Variants in ANK2 observed in about 807,000 individuals in gnomAD.
The protein encoded by ANK2 is ankyrin-2.
A neutral mutation model predicts 360.5 loss-of-function variants in ANK2; 83 were observed. The observed-to-expected ratio is 0.23, with a 90% confidence interval of 0.19 to 0.28. The LOEUF (loss-of-function observed/expected upper bound fraction) is 0.28. ANK2 is among the 10% of genes least tolerant of loss of function. The pLI is 1.00. For synonymous variants in ANK2, 1,740 were observed against 1,759.5 expected (o/e 0.99, Z 0.28); for missense variants, 4,201 against 4,795.7 (o/e 0.88, Z 3.66).
chr4:113,035,854 C>T (rs144599640), intron 2 of ANK2, among the ~76,000 whole-genome samples: 1,604 of 151,800 alleles, frequency 0.011, 30 homozygotes, highest in African/African-American at 0.036. Context: ...TATGAGAAAT[C>T]GGAAAGAGGA....
rs17483024 is a variant in ANK2 at position 113,332,809 on chromosome 4, T to C, written c.3225-245T>C. 0.036 allele frequency among the ~76,000 whole-genome samples: 5,412 copies of C among 152,342 alleles called. 151 individuals are homozygous for C. Among genetic ancestry groups the C allele is most frequent in the Non-Finnish European group, 0.059 (4,006 of 68,030 alleles). On this transcript the variant is annotated intron_variant, in intron 28 of 45. Coordinates refer to ENST00000357077, the MANE Select transcript of ANK2 (RefSeq NM_001148.6). ...TTATCAAAGGAGAAGTTCCAGAATG[T>C]CACATGCACTCACAGGGAAACATTA...
intron 1 of ANK2, among the ~76,000 whole-genome samples, chr4:113,169,553 G>A (rs1219372690): frequency 1.3e-5 from 2 of 152,172 alleles, no homozygotes; most frequent in Non-Finnish European, 2.9e-5. Context: ...AGGTTAGCCA[G>A]TCAGCAAATA....
At chr4:113,238,749 G>A (rs755212913) in intron 7 of ANK2, among the ~76,000 whole-genome samples, 4 of 152,080 alleles carry the variant, frequency 2.6e-5, no homozygotes, top group Admixed American at 6.6e-5. Context: ...AAACCCCTTC[G>A]TCTAATCCTG....
At chr4:113,052,060 T>A (rs1296477859) in intron 1 of ANK2, among the ~76,000 whole-genome samples, 1 of 152,208 alleles carries the variant, frequency 6.6e-6, no homozygotes, top group Non-Finnish European at 1.5e-5. Flanking sequence ...TATGCTATAA[T>A]TGGAAACTTT....
At chr4:112,814,632 G>A (rs1195040267), upstream of ANK2, among the ~76,000 whole-genome samples, 1 of 151,996 alleles carries the variant, frequency 6.6e-6, no homozygotes, top group Non-Finnish European at 1.5e-5. Flanking sequence ...ATTTTTTTTA[G>A]GGATGGGGTT....
At chr4:113,377,442 A>G (rs920151639) in intron 45 of ANK2, among the ~76,000 whole-genome samples, 1 of 152,150 alleles carries the variant, frequency 6.6e-6, no homozygotes, top group Non-Finnish European at 1.5e-5. Flanking sequence ...CTGTATATGC[A>G]TTATATTACC....
intron 1 of ANK2, among the ~76,000 whole-genome samples, chr4:113,100,802 A>T (rs1480566016): frequency 6.6e-6 from 1 of 152,172 alleles, no homozygotes; most frequent in East Asian, 1.9e-4. Context: ...TGACAAATGA[A>T]CTATCAAGCC....
At chr4:112,981,050 C>G (rs2042978146) in intron 2 of ANK2, among the ~76,000 whole-genome samples, 1 of 152,198 alleles carries the variant, frequency 6.6e-6, no homozygotes. Flanking sequence ...CTTGTGTTCA[C>G]CATTTCACTA....
chr4:112,996,226 A>C (rs1032699772), intron 2 of ANK2, among the ~76,000 whole-genome samples: 6 of 152,214 alleles, frequency 3.9e-5, no homozygotes, highest in Non-Finnish European at 7.3e-5. Context: ...AAACTAATTC[A>C]TAGTGGCAGA....
intron 2 of ANK2, among the ~76,000 whole-genome samples, chr4:113,191,626 G>A (rs868118844): frequency 2.6e-5 from 4 of 152,186 alleles, no homozygotes; most frequent in African/African-American, 9.7e-5. Flanking sequence ...GCAGGGCTGT[G>A]GATGGGGAGA....
intron 1 of ANK2, among the ~76,000 whole-genome samples, chr4:112,822,257 A>G (rs1231997662): frequency 6.7e-6 from 1 of 149,058 alleles, no homozygotes; most frequent in Non-Finnish European, 1.5e-5. Context: ...AAAAAAAAAA[A>G]AAAAACAAAA....
chr4:113,317,758 C>T lies in ANK2; in HGVS notation c.2745C>T (p.Tyr915=), dbSNP rs1193376737. 1.2e-6 allele frequency: 2 copies of T among 1,614,046 alleles called. No homozygotes were observed. Among genetic ancestry groups the T allele is most frequent in the Non-Finnish European group, 1.7e-6 (2 of 1,180,024 alleles). ...CTCACACTCTGAGCCATGCCTCCTA[C>T]CTGAGGGACAGTGCCGTGATGGATG... ...DRSHTLSHAS[Y]LRDSAVMDDS... is the part of the protein sequence containing the mutation. Residue 915 remains tyrosine, a synonymous_variant, in exon 25 of 46, where the codon TAC becomes TAT. Transcript: ENST00000357077.
chr4:112,867,551 C>G (rs1372040964), intron 1 of ANK2, among the ~76,000 whole-genome samples: 1 of 152,020 alleles, frequency 6.6e-6, no homozygotes, highest in African/African-American at 2.4e-5. Flanking sequence ...AGCAGTAACT[C>G]CCCTTTCCCC....
Position 113,330,425 on chromosome 4 carries a change from C to A in ANK2, c.3080C>A (p.Ala1027Asp). ...CCAATGGTGGAAGGAGAAGGCCTGG[C>A]CAGTCGCCTGATCGAAGTTGGACCT... ...MPPMVEGEGL[A>D]SRLIEVGPSG... is the part of the protein sequence containing the mutation. The change falls in exon 27 of 46, where the codon GCC becomes GAC. Residue 1027 changes from alanine to aspartate, a missense_variant. Transcript: ENST00000357077. The A allele has an allele frequency of 1.9e-6, 3 of 1,614,208 alleles. No individual in the cohort carries two copies. Among genetic ancestry groups the A allele is most frequent in the Non-Finnish European group, 2.5e-6 (3 of 1,180,034 alleles).
At chr4:113,244,862 G>T (rs955965300) in intron 9 of ANK2, among the ~76,000 whole-genome samples, 1 of 152,084 alleles carries the variant, frequency 6.6e-6, no homozygotes, top group Admixed American at 6.5e-5. Flanking sequence ...GAGACCATGT[G>T]GGGTTTGATT....
intron 1 of ANK2, among the ~76,000 whole-genome samples, chr4:113,137,679 G>A (rs1364124092): frequency 2.0e-5 from 3 of 150,764 alleles, no homozygotes; most frequent in Non-Finnish European, 1.5e-5. Context: ...TTATCTTCTG[G>A]TAGAGAAGAT....
At chr4:113,202,656 G>A (rs575680174) in intron 4 of ANK2, among the ~76,000 whole-genome samples, 4 of 152,214 alleles carry the variant, frequency 2.6e-5, no homozygotes, top group Non-Finnish European at 5.9e-5. Flanking sequence ...AAACCTTCAA[G>A]GAATATATTC....
At chr4:112,874,410 G>A (rs971297802) in intron 1 of ANK2, among the ~76,000 whole-genome samples, 28 of 151,362 alleles carry the variant, frequency 1.8e-4, no homozygotes, top group Admixed American at 1.4e-3. Context: ...TTAAGCCAAG[G>A]CGGGCAGATT....
At chr4:113,050,213 C>T (rs750941497) in intron 1 of ANK2, among the ~76,000 whole-genome samples, 12 of 151,742 alleles carry the variant, frequency 7.9e-5, no homozygotes, top group Non-Finnish European at 1.3e-4. Flanking sequence ...GATGCGTTTG[C>T]TCTATGATGA....
Sources: gnomAD v4.1 joint callset for allele counts (sites outside exome capture counted in the v4.1 genomes callset) on GRCh38, gnomAD v4.1.1 for gene constraint, MANE v1.5 for transcripts, NCBI Gene and HGNC (gene_info 2026-07-23, HGNC 2026-07-21) for gene names.